The following ATP10A variants were observed in gnomAD, a reference collection of about 807,000 sequenced individuals.
ATP10A encodes the protein phospholipid-transporting ATPase VA.
In ATP10A, 111 loss-of-function variants were observed where a neutral mutation model predicts 147.8. The ratio of observed to expected loss-of-function variants is 0.75; its 90% CI spans 0.64 to 0.88. The LOEUF is 0.88. Ranked by LOEUF, ATP10A falls within the 40% of genes least tolerant of loss-of-function variation. The pLI is 0.00. For missense variants in ATP10A, 1,927 were observed against 1,959.0 expected, an observed-to-expected ratio of 0.98 and a Z score of 0.31; for synonymous variants, 875 against 841.6, an observed-to-expected ratio of 1.04 and a Z score of -0.69.
At chr15:25,812,707 C>T (rs967940055) in intron 1 of ATP10A, among the ~76,000 whole-genome samples, 2 of 152,144 alleles carry the variant, frequency 1.3e-5, no homozygotes, top group African/African-American at 4.8e-5. Flanking sequence ...ATACAGTATT[C>T]TGAAGCACTG....
intron 1 of ATP10A, among the ~76,000 whole-genome samples, chr15:25,815,653 T>C (rs17116206): frequency 0.8 from 122,190 of 151,854 alleles, 49,283 homozygotes; most frequent in East Asian, 0.84. Context: ...AACCCAAAAA[T>C]GAATTCTGCA....
At chr15:25,768,683 ATTTTT>A (rs143608940) in intron 2 of ATP10A, among the ~76,000 whole-genome samples, 1,819 of 89,642 alleles carry the variant, frequency 0.02, 14 homozygotes, top group Middle Eastern at 0.032. Context: ...AGCTGGGCTA[ATTTTT>A]TTTTTTTTTT....
intron 13 of ATP10A, among the ~76,000 whole-genome samples, chr15:25,697,708 C>T (rs1350472165): frequency 6.6e-6 from 1 of 152,244 alleles, no homozygotes; most frequent in Non-Finnish European, 1.5e-5. Context: ...AAGGAGAAAA[C>T]TATAACTCCA....
At chr15:25,780,561 G>A (rs1030681412) in intron 2 of ATP10A, among the ~76,000 whole-genome samples, 28 of 152,166 alleles carry the variant, frequency 1.8e-4, no homozygotes, top group Admixed American at 9.8e-4. Flanking sequence ...CTGCACGGTG[G>A]CCAGGGCACA....
chr15:25,777,777 TC>T lies in ATP10A; in HGVS notation c.654+3241del, dbSNP rs200955277. On this transcript the variant is annotated intron_variant, in intron 2 of 20. Transcript: ENST00000555815. ...ACGATATCTGGCAATTTTTTTTCTT[TC>T]TTTCTTTTTTTTTTTTTGAGATGGG... Among the ~76,000 whole-genome samples, 9 of 63,770 alleles carry T rather than the reference TC, an allele frequency of 1.4e-4. 1 individual carries two copies. The highest frequency in any genetic ancestry group is 1.3e-4 in the Non-Finnish European group (4 of 30,194). The allele number at this position is 63,770 out of a possible 152,430, so 41.8% of individuals were successfully genotyped here.
At chr15:25,856,214 T>G (rs776233527) in intron 1 of ATP10A, among the ~76,000 whole-genome samples, 1 of 152,206 alleles carries the variant, frequency 6.6e-6, no homozygotes, top group Non-Finnish European at 1.5e-5. Flanking sequence ...TTGAGGTAAC[T>G]GAATCATGGA....
At chr15:25,757,652 G>T (rs1264363155) in intron 2 of ATP10A, among the ~76,000 whole-genome samples, 1 of 152,162 alleles carries the variant, frequency 6.6e-6, no homozygotes, top group East Asian at 1.9e-4. Flanking sequence ...AAATTAAAAA[G>T]TTGAAAAAGA....
At chr15:25,861,300 T>G (rs1386484798) in intron 1 of ATP10A, among the ~76,000 whole-genome samples, 1 of 152,166 alleles carries the variant, frequency 6.6e-6, no homozygotes, top group Admixed American at 6.5e-5. Flanking sequence ...TACAAAAGTT[T>G]CAGAAGCACG....
chr15:25,855,881 G>T (rs564461170), intron 1 of ATP10A, among the ~76,000 whole-genome samples: 2 of 152,136 alleles, frequency 1.3e-5, no homozygotes, highest in Admixed American at 6.5e-5. Flanking sequence ...TAAACATACT[G>T]ACCAAAACTT....
At chr15:25,714,295 G>C in intron 9 of ATP10A, 54 bp from the exon 10 acceptor site, 1 of 1,540,022 alleles carries the variant, frequency 6.5e-7, no homozygotes, top group Admixed American at 1.8e-5. Context: ...TCCCCCAGAG[G>C]CCCCACCCTG....
chr15:25,732,938 G>A (rs1470525020), intron 3 of ATP10A, among the ~76,000 whole-genome samples: 1 of 152,032 alleles, frequency 6.6e-6, no homozygotes, highest in South Asian at 2.1e-4. Flanking sequence ...ACAGGCAGTC[G>A]ATGATACCTC....
chr15:25,793,138 TG>T (rs1313061097), intron 1 of ATP10A, among the ~76,000 whole-genome samples: 1 of 152,206 alleles, frequency 6.6e-6, no homozygotes, highest in Admixed American at 6.5e-5. Context: ...CCCAAAGTGC[TG>T]GGATTACAGG....
chr15:25,784,509 C>G (rs1345112279), intron 1 of ATP10A, among the ~76,000 whole-genome samples: 2 of 152,190 alleles, frequency 1.3e-5, no homozygotes, highest in African/African-American at 4.8e-5. Context: ...GAGATTCCCC[C>G]CTGAGGACCC....
At chr15:25,719,252 G>A (rs1157366252) in intron 7 of ATP10A, among the ~76,000 whole-genome samples, 1 of 152,196 alleles carries the variant, frequency 6.6e-6, no homozygotes, top group Non-Finnish European at 1.5e-5. Flanking sequence ...AGATACTTAT[G>A]GAGCCGGCCA....
Position 25,842,693 on chromosome 15 carries a change from G to A in ATP10A, c.449+19955C>T, listed in dbSNP as rs534502336. On this transcript the variant is annotated intron_variant, in intron 1 of 20. Transcript: ENST00000555815. ...AACATTATCTCTGATTGTATAGATA[G>A]GTAAACGTCTTTGACTCCATAATCA... 1.2e-4 allele frequency among the ~76,000 whole-genome samples: 18 copies of A among 152,084 alleles called. No homozygotes were observed. In the South Asian group the frequency reaches 2.5e-3, roughly 21 times the overall value.
chr15:25,683,169 A>G, intron 17 of ATP10A, 117 bp downstream of exon 17: 1 of 959,048 alleles, frequency 1.0e-6, no homozygotes, highest in Non-Finnish European at 1.6e-6. Flanking sequence ...GAATTCTAGA[A>G]TTTCAGTTTG....
chr15:25,769,486 CAAAAAAAA>C (rs58272964), intron 2 of ATP10A, among the ~76,000 whole-genome samples: 1 of 54,812 alleles, frequency 1.8e-5, no homozygotes, highest in Admixed American at 2.6e-4. Context: ...GACTCTGTCT[CAAAAAAAA>C]AAAAAAAAAA....
chr15:25,737,567 G>A (rs1035657718), intron 2 of ATP10A, among the ~76,000 whole-genome samples: 1 of 152,122 alleles, frequency 6.6e-6, no homozygotes, highest in African/African-American at 2.4e-5. Context: ...GAGGTCCCAG[G>A]CACGGGACGG....
intron 1 of ATP10A, among the ~76,000 whole-genome samples, chr15:25,856,488 G>A (rs1218759216): frequency 2.0e-5 from 3 of 152,162 alleles, no homozygotes; most frequent in East Asian, 1.9e-4. Context: ...TAGAGTTAGC[G>A]TTAGATGTTA....
Sources: gnomAD v4.1 joint callset for allele counts (sites outside exome capture counted in the v4.1 genomes callset) on GRCh38, gnomAD v4.1.1 for gene constraint, MANE v1.5 for transcripts, NCBI Gene and HGNC (gene_info 2026-07-23, HGNC 2026-07-21) for gene names.